Variants in GCLM observed in about 807,000 individuals in gnomAD.
GCLM encodes glutamate-cysteine ligase modifier subunit.
In GCLM, 15 loss-of-function variants were observed where a neutral mutation model predicts 36.0. That is an observed-to-expected ratio of 0.42 (90% CI 0.28 to 0.64). GCLM has a LOEUF of 0.64. Among genes scored for constraint, GCLM ranks in the 30% least tolerant of loss-of-function variants. The pLI is 0.25. For missense variants in GCLM, 242 were observed against 325.5 expected, an observed-to-expected ratio of 0.74 and a Z score of 1.97; for synonymous variants, 129 against 122.8, an observed-to-expected ratio of 1.05 and a Z score of -0.34.
chr1:93,885,891 C>T lies in GCLM; in HGVS notation c.*3099G>A, dbSNP rs1196349864. The T allele has an allele frequency of 1.3e-5, 2 of 152,146 alleles. No homozygotes were observed. The highest frequency in any genetic ancestry group is 2.9e-5 in the Non-Finnish European group (2 of 67,994). 9.4% of individuals were successfully genotyped at this position (152,146 alleles called of 1,614,324 possible). ...ATTAAGATCCTAATTTTAGTTACTG[C>T]TTGGCTGTGGTATGGGAAAGTCTGA... On this transcript the variant is annotated 3_prime_UTR_variant, in exon 7 of 7. Transcript: ENST00000370238.
At position 93,901,587 on chromosome 1, in the gene GCLM, G is replaced by C; in HGVS notation, c.275C>G (p.Ser92Cys). The change falls in exon 3 of 7, where the codon TCT becomes TGT. Residue 92 changes from serine to cysteine, a missense_variant and splice_region_variant. Ser to Cys is a moderately radical substitution (Grantham distance 112). Coordinates refer to ENST00000370238, the MANE Select transcript of GCLM (RefSeq NM_002061.4). Reference sequence around the variant, plus strand: ...AAACAGAAAAGACTGGACTTTACCAGAAACTTTCATTTCTTCTCTTTCATC... The same window carrying C: ...AAACAGAAAAGACTGGACTTTACCACAAACTTTCATTTCTTCTCTTTCATC... ...NPDEREEMKV[S>C]AKLFIVESNS... 1 of 1,512,982 alleles carries C rather than the reference G, an allele frequency of 6.6e-7. No individual in the cohort carries two copies. Among genetic ancestry groups the C allele is most frequent in the Non-Finnish European group, 9.2e-7 (1 of 1,091,326 alleles). 93.7% of individuals were successfully genotyped at this position (1,512,982 alleles called of 1,614,324 possible). A position where few individuals can be genotyped will look rare whatever the true frequency, so the allele number is the denominator to read the frequency against.
intron 4 of GCLM, among the ~76,000 whole-genome samples, chr1:93,897,083 A>G (rs1280938338): frequency 6.6e-6 from 1 of 152,194 alleles, no homozygotes; most frequent in Non-Finnish European, 1.5e-5. Flanking sequence ...AGCTACTACT[A>G]CATGCTCCTC....
chr1:93,889,201 T>A, intron 6 of GCLM, 42 bp from the exon 7 acceptor site: 1 of 1,449,674 alleles, frequency 6.9e-7, no homozygotes, highest in East Asian at 2.5e-5. Context: ...CGTGTTAAAT[T>A]GGAAAACAAA....
chr1:93,902,271 G>A (rs1441448632), intron 2 of GCLM, among the ~76,000 whole-genome samples: 5 of 3,566 alleles, frequency 1.4e-3, no homozygotes, highest in South Asian at 0.036. Flanking sequence ...TCTGCCTCCC[G>A]GGTTCACGCC....
intron 4 of GCLM, among the ~76,000 whole-genome samples, chr1:93,897,107 A>G (rs1408147205): frequency 1.3e-5 from 2 of 152,158 alleles, no homozygotes; most frequent in Non-Finnish European, 2.9e-5. Flanking sequence ...CTAGGGAACA[A>G]AATTTCTTCT....
chr1:93,902,307 T>C (rs1463782431), intron 2 of GCLM, among the ~76,000 whole-genome samples: 1 of 151,936 alleles, frequency 6.6e-6, no homozygotes, highest in Middle Eastern at 3.4e-3. Context: ...GTGTCCCGAG[T>C]AGCTGGGACT....
Position 93,888,922 on chromosome 1 carries a change from G to C in GCLM, c.*68C>G, listed in dbSNP as rs1656421009. ...TGACACCATTTACAGGCAGTAACTA[G>C]ATTTTTACACATCTCAATTTTCTCT... On this transcript the variant is annotated 3_prime_UTR_variant, in exon 7 of 7. Coordinates refer to ENST00000370238, the MANE Select transcript of GCLM (RefSeq NM_002061.4). 1 of 1,105,198 alleles carries C rather than the reference G, an allele frequency of 9.0e-7. No homozygotes were observed. The highest frequency in any genetic ancestry group is 1.3e-6 in the Non-Finnish European group (1 of 779,130). 68.5% of individuals were successfully genotyped at this position (1,105,198 alleles called of 1,614,324 possible).
Position 93,885,445 on chromosome 1 carries a change from A to G in GCLM, c.*3545T>C, listed in dbSNP as rs953479401. 3.3e-5 allele frequency: 5 copies of G among 152,342 alleles called. No individual in the cohort carries two copies. Among genetic ancestry groups the G allele is most frequent in the African/African-American group, 9.6e-5 (4 of 41,592 alleles). 9.4% of individuals were successfully genotyped at this position (152,342 alleles called of 1,614,324 possible). The stretch of plus-strand genomic sequence containing the variant: ...ACCACTACAGACACATAAAAAGTTG[A>G]CTTATCTAATTAAAACATTTTCCCT... On this transcript the variant is annotated 3_prime_UTR_variant, in exon 7 of 7. Transcript: ENST00000370238.
chr1:93,903,091 A>G (rs547285622), intron 2 of GCLM, among the ~76,000 whole-genome samples: 6 of 152,186 alleles, frequency 3.9e-5, no homozygotes, highest in African/African-American at 1.4e-4. Flanking sequence ...TTCATAATTT[A>G]TATATACACT....
chr1:93,893,789 A>C (rs1656619588), intron 6 of GCLM, among the ~76,000 whole-genome samples: 1 of 152,206 alleles, frequency 6.6e-6, no homozygotes, highest in African/African-American at 2.4e-5. Flanking sequence ...TTATCTTACA[A>C]AATGTTGTAA....
At chr1:93,894,515 T>C (rs1656652707) in intron 6 of GCLM, 99 bp downstream of exon 6, 2 of 688,804 alleles carry the variant, frequency 2.9e-6, no homozygotes, top group South Asian at 3.5e-5. Context: ...TAACACTGTA[T>C]TTTTATCACT....
rs144647491 is a variant in GCLM, at chr1:93,899,797, A to G, written c.277+1788T>C. Among the ~76,000 whole-genome samples the G allele has an allele frequency of 7.6e-4, 115 of 152,282 alleles. 1 individual carries two copies. Among genetic ancestry groups the G allele is most frequent in the Middle Eastern group, 6.8e-3 (2 of 294 alleles). On this transcript the variant is annotated intron_variant, in intron 3 of 6. Coordinates refer to ENST00000370238, the MANE Select transcript of GCLM (RefSeq NM_002061.4). The stretch of plus-strand genomic sequence containing the variant: ...AATTGTCATTTCTTTGGTTACTAGG[A>G]AAGTTGAGTCATTTTCTATATTTGT...
intron 6 of GCLM, 109 bp downstream of exon 6, chr1:93,894,505 T>C: frequency 1.5e-6 from 1 of 652,162 alleles, no homozygotes; most frequent in East Asian, 2.7e-5. Context: ...ATAGTTCAGA[T>C]AACACTGTAT....
rs1375324510 is a variant in GCLM at position 93,888,625 on chromosome 1, T to A, written c.*365A>T. 6.4e-6 allele frequency: 1 copy of A among 155,480 alleles called. No individual in the cohort carries two copies. Among genetic ancestry groups the A allele is most frequent in the Non-Finnish European group, 1.4e-5 (1 of 70,094 alleles). The allele number at this position is 155,480 out of a possible 1,614,324, so 9.6% of individuals were successfully genotyped here. A position where few individuals can be genotyped will look rare whatever the true frequency, so the allele number is the denominator to read the frequency against. On this transcript the variant is annotated 3_prime_UTR_variant, in exon 7 of 7. Coordinates refer to ENST00000370238, the MANE Select transcript of GCLM (RefSeq NM_002061.4). ...AGAGTTAAGAAGCAATTAATGAATT[T>A]TTTTTGGAAATAAAAAATATGTATA...
Position 93,904,580 on chromosome 1 carries a change from A to G in GCLM, c.135T>C (p.Asp45=), listed in dbSNP as rs763595719. 6.2e-7 allele frequency: 1 copy of G among 1,607,732 alleles called. No homozygotes were observed. Among genetic ancestry groups the G allele is most frequent in the Non-Finnish European group, 8.5e-7 (1 of 1,174,264 alleles). ...ATTCATTCAAGGTTTTTTGGATACAATCATGAAGCTGCAAAAGGAATGCAT... is the reference window on the plus strand; with the variant it reads ...ATTCATTCAAGGTTTTTTGGATACAGTCATGAAGCTGCAAAAGGAATGCAT... The part of the protein sequence containing the change: ...CPSTHSEELH[D]CIQKTLNEWS... Residue 45 remains aspartate (D), a synonymous_variant, in exon 2 of 7, where the codon GAT becomes GAC. Coordinates refer to ENST00000370238, the MANE Select transcript of GCLM (RefSeq NM_002061.4).
chr1:93,909,051 G>T lies in GCLM; in HGVS notation c.113C>A (p.Thr38Lys). Residue 38 changes from threonine (T) to lysine (K), a missense_variant, in exon 1 of 7, where the codon ACG becomes AAG. Physicochemically the swap from Thr to Lys is moderately conservative, Grantham distance 78 (BLOSUM62 -1). Coordinates refer to ENST00000370238, the MANE Select transcript of GCLM (RefSeq NM_002061.4). ...WGRLRKKCPS[T>K]HSEELHDCIQ... is the part of the protein sequence containing the mutation. ...CGCCACGCTCACCTCCTCGCTGTGCGTGGACGGGCACTTCTTCCGCAGGCG... is the reference window on the plus strand; with the variant it reads ...CGCCACGCTCACCTCCTCGCTGTGCTTGGACGGGCACTTCTTCCGCAGGCG... 6.8e-7 allele frequency: 1 copy of T among 1,472,916 alleles called. No homozygotes were observed. The highest frequency in any genetic ancestry group is 1.3e-5 in the South Asian group (1 of 78,116). The allele number at this position is 1,472,916 out of a possible 1,614,324, so 91.2% of individuals were successfully genotyped here. A position where few individuals can be genotyped will look rare whatever the true frequency, so the allele number is the denominator to read the frequency against.
chr1:93,907,685 T>C (rs965583251), intron 1 of GCLM, among the ~76,000 whole-genome samples: 19 of 152,186 alleles, frequency 1.2e-4, no homozygotes, highest in African/African-American at 4.6e-4. Context: ...GAAATATTTA[T>C]CTGTGGGAGA....
intron 6 of GCLM, 41 bp from the exon 7 acceptor site, chr1:93,889,200 T>A: frequency 1.4e-6 from 2 of 1,454,122 alleles, no homozygotes; most frequent in South Asian, 2.8e-5. Flanking sequence ...GCGTGTTAAA[T>A]TGGAAAACAA....
chr1:93,894,937 C>T (rs1006087131), intron 5 of GCLM, among the ~76,000 whole-genome samples: 5 of 151,316 alleles, frequency 3.3e-5, no homozygotes, highest in African/African-American at 7.3e-5. Flanking sequence ...AATAGGAATT[C>T]CCTATTACCT....
Sources: allele counts gnomAD v4.1 joint callset (sites outside exome capture counted in the v4.1 genomes callset), GRCh38; gene constraint gnomAD v4.1.1; transcripts MANE v1.5; gene names NCBI Gene and HGNC (gene_info 2026-07-23, HGNC 2026-07-21).